EXOC4: variants seen among roughly 807,000 people sequenced by gnomAD.
The protein encoded by EXOC4 is SEC8-like 1.
Under a neutral mutation model 107.2 loss-of-function variants are expected in EXOC4, and 71 were observed. The observed-to-expected ratio is 0.66, with a 90% CI of 0.55 to 0.81. EXOC4 has a LOEUF of 0.81. Ranked by LOEUF, EXOC4 falls within the 30% of genes least tolerant of loss-of-function variation. The pLI, the probability that EXOC4 is intolerant of heterozygous loss-of-function variation, is 0.00. For missense variants in EXOC4, 1,108 were observed against 1,189.6 expected, an observed-to-expected ratio of 0.93 and a Z score of 1.01; for synonymous variants, 456 against 441.2, an observed-to-expected ratio of 1.03 and a Z score of -0.42.
chr7:133,437,260 G>A (rs550740581), intron 7 of EXOC4, among the ~76,000 whole-genome samples: 1 of 151,786 alleles, frequency 6.6e-6, no homozygotes, highest in Admixed American at 6.6e-5. Flanking sequence ...TCTGATTATG[G>A]CTTATGATTA....
chr7:133,293,245 T>A (rs1325346417), intron 3 of EXOC4, among the ~76,000 whole-genome samples: 1 of 152,198 alleles, frequency 6.6e-6, no homozygotes, highest in Non-Finnish European at 1.5e-5. Context: ...GTTGGAGATA[T>A]CTTCAACTTG....
At chr7:133,905,975 C>T (rs760188835) in intron 12 of EXOC4, among the ~76,000 whole-genome samples, 6 of 152,046 alleles carry the variant, frequency 3.9e-5, no homozygotes, top group African/African-American at 7.2e-5. Flanking sequence ...GCAGCATGGA[C>T]GACCATGGTG....
chr7:133,592,542 A>C (rs1290223837), intron 9 of EXOC4, among the ~76,000 whole-genome samples: 1 of 152,146 alleles, frequency 6.6e-6, no homozygotes, highest in Non-Finnish European at 1.5e-5. Flanking sequence ...TCCTGGGTTC[A>C]AGTGATTCAA....
chr7:133,271,654 G>A (rs970184075), intron 1 of EXOC4, among the ~76,000 whole-genome samples: 2 of 152,156 alleles, frequency 1.3e-5, no homozygotes, highest in Non-Finnish European at 2.9e-5. Flanking sequence ...CTGCCTATGT[G>A]GGCAGGCTTC....
rs185517035 is a variant in EXOC4 at position 133,571,882 on chromosome 7, A to G, written c.1418-58163A>G. Reference sequence around the variant, plus strand: ...CAATAATTTTGTTTTTCTAAGTAACATAATCTCATTCATAAGTGAGGACCC... The same window carrying G: ...CAATAATTTTGTTTTTCTAAGTAACGTAATCTCATTCATAAGTGAGGACCC... On this transcript the variant is annotated intron_variant, in intron 9 of 17. Coordinates refer to ENST00000253861, the MANE Select transcript of EXOC4 (RefSeq NM_021807.4). 1.1e-3 allele frequency among the ~76,000 whole-genome samples: 160 copies of G among 152,294 alleles called. 1 individual carries two copies. The highest frequency in any genetic ancestry group is 3.6e-3 in the African/African-American group (151 of 41,582).
At chr7:133,720,440 A>ATAGGT in intron 10 of EXOC4, among the ~76,000 whole-genome samples, 1 of 152,352 alleles carries the variant, frequency 6.6e-6, no homozygotes, top group Middle Eastern at 3.4e-3. Context: ...CGGTAAGGAA[A>ATAGGT]TAACCTCTTT....
At chr7:133,886,779 A>C (rs190324986) in intron 11 of EXOC4, among the ~76,000 whole-genome samples, 22 of 152,366 alleles carry the variant, frequency 1.4e-4, no homozygotes, top group African/African-American at 4.8e-4. Flanking sequence ...AAAGAGATCA[A>C]ATAAATAAAA....
intron 9 of EXOC4, among the ~76,000 whole-genome samples, chr7:133,614,341 G>A (rs1040850599): frequency 3.3e-5 from 5 of 151,852 alleles, no homozygotes; most frequent in Admixed American, 6.6e-5. Context: ...ACAGTAAGAA[G>A]TCTTGAATAA....
At chr7:134,093,171 G>A in the EXOC4 span, among the ~76,000 whole-genome samples, 1 of 152,062 alleles carries the variant, frequency 6.6e-6, no homozygotes, top group Admixed American at 6.6e-5. Context: ...CTGTGTTTAA[G>A]AGACCCATCT....
intron 9 of EXOC4, among the ~76,000 whole-genome samples, chr7:133,510,643 C>T (rs536508873): frequency 8.5e-5 from 13 of 152,250 alleles, no homozygotes; most frequent in African/African-American, 3.1e-4. Flanking sequence ...TGGAAACATA[C>T]GAGCAATAGA....
intron 10 of EXOC4, among the ~76,000 whole-genome samples, chr7:133,661,199 GTC>G (rs1803432012): frequency 6.6e-6 from 1 of 152,064 alleles, no homozygotes; most frequent in Non-Finnish European, 1.5e-5. Context: ...CTGCTTGGCA[GTC>G]TCTTGCTGCA....
intron 7 of EXOC4, among the ~76,000 whole-genome samples, chr7:133,385,218 CAAT>C (rs1481706087): frequency 6.6e-6 from 1 of 152,124 alleles, no homozygotes; most frequent in African/African-American, 2.4e-5. Context: ...TTCTTTTGGT[CAAT>C]TGGGTAGCTC....
rs1219954587 is a variant in EXOC4 at position 133,889,512 on chromosome 7, G to A, written c.1735-6087G>A. Among the ~76,000 whole-genome samples the A allele has an allele frequency of 1.4e-4, 20 of 143,320 alleles. 1 individual carries two copies. In the South Asian group the frequency reaches 3.0e-3, roughly 21 times the overall value. The allele number at this position is 143,320 out of a possible 152,430, so 94.0% of individuals were successfully genotyped here. On this transcript the variant is annotated intron_variant, in intron 11 of 17. Transcript: ENST00000253861. Reference sequence around the variant, plus strand: ...ATGTATACATGTGCCATGCTGGTGCGCTGCACCCACTAACTCGTCATCTAG... The same window carrying A: ...ATGTATACATGTGCCATGCTGGTGCACTGCACCCACTAACTCGTCATCTAG...
chr7:133,903,692 C>T (rs753505776), intron 12 of EXOC4, among the ~76,000 whole-genome samples: 20 of 152,030 alleles, frequency 1.3e-4, no homozygotes, highest in Non-Finnish European at 2.8e-4. Flanking sequence ...GAGGTCTGGC[C>T]TGGAGATAGA....
intron 7 of EXOC4, among the ~76,000 whole-genome samples, chr7:133,420,722 CTG>C (rs1398380912): frequency 6.6e-6 from 1 of 151,974 alleles, no homozygotes. Flanking sequence ...TTTTAAGAAA[CTG>C]TTACAGATGG....
At position 133,334,534 on chromosome 7, in the gene EXOC4, A is replaced by T. The variant is rs560921591; in HGVS notation, c.763+17144A>T. Among the ~76,000 whole-genome samples, 107 of 152,284 alleles carry T rather than the reference A, an allele frequency of 7.0e-4. 1 individual carries two copies. Among genetic ancestry groups the T allele is most frequent in the African/African-American group, 2.6e-3 (106 of 41,556 alleles). ...GTACTCTGTTGGGTTGATTTATCATAGGTCAACCACTCTCTGTTGTTGCTC... is the reference window on the plus strand; with the variant it reads ...GTACTCTGTTGGGTTGATTTATCATTGGTCAACCACTCTCTGTTGTTGCTC... On this transcript the variant is annotated intron_variant, in intron 5 of 17. Transcript: ENST00000253861.
At chr7:133,927,770 T>C (rs571749466) in intron 13 of EXOC4, among the ~76,000 whole-genome samples, 2 of 152,346 alleles carry the variant, frequency 1.3e-5, no homozygotes, top group African/African-American at 4.8e-5. Context: ...ATGAAGGTCA[T>C]AGATGGATAT....
intron 9 of EXOC4, among the ~76,000 whole-genome samples, chr7:133,598,001 A>G (rs920846507): frequency 2.0e-5 from 3 of 152,078 alleles, no homozygotes; most frequent in African/African-American, 7.2e-5. Context: ...CTGGGCAATA[A>G]GAGCAACACT....
chr7:134,028,842 C>T (rs183297601), intron 17 of EXOC4, among the ~76,000 whole-genome samples: 1 of 152,220 alleles, frequency 6.6e-6, no homozygotes, highest in South Asian at 2.1e-4. Context: ...GCCACTTACA[C>T]GTAATCTTCT....
Sources: gnomAD v4.1 joint callset for allele counts (sites outside exome capture counted in the v4.1 genomes callset) on GRCh38, gnomAD v4.1.1 for gene constraint, MANE v1.5 for transcripts, NCBI Gene and HGNC (gene_info 2026-07-23, HGNC 2026-07-21) for gene names.